The following RSU1 variants were observed in gnomAD, a reference collection of about 807,000 sequenced individuals.
RSU1 encodes Ras suppressor protein 1, also known as rsu-1.
In RSU1, 26 loss-of-function variants were observed where a neutral mutation model predicts 31.1. That is an observed-to-expected ratio of 0.84 (90% CI 0.61 to 1.16). RSU1 has a LOEUF of 1.16. Among genes scored for constraint, RSU1 ranks in the 50% most tolerant of loss-of-function variants. The pLI is 0.00. For missense variants in RSU1, 320 were observed against 339.1 expected, an observed-to-expected ratio of 0.94 and a Z score of 0.44; for synonymous variants, 164 against 136.3, an observed-to-expected ratio of 1.20 and a Z score of -1.41.
chr10:16,702,294 T>G (rs1381866954), intron 7 of RSU1, among the ~76,000 whole-genome samples: 1 of 152,142 alleles, frequency 6.6e-6, no homozygotes, highest in Non-Finnish European at 1.5e-5. Flanking sequence ...AGACACACAG[T>G]CTCCACTGAG....
chr10:16,760,678 G>A (rs1564347588), intron 4 of RSU1, among the ~76,000 whole-genome samples: 2 of 151,914 alleles, frequency 1.3e-5, no homozygotes, highest in Non-Finnish European at 2.9e-5. Context: ...AGAAATGAAG[G>A]TATCATTCCA....
intron 8 of RSU1, among the ~76,000 whole-genome samples, chr10:16,622,058 T>C (rs1834079817): frequency 6.6e-6 from 1 of 152,214 alleles, no homozygotes; most frequent in Non-Finnish European, 1.5e-5. Context: ...TGCATGCCTG[T>C]ATCAAAACAA....
At chr10:16,817,154 C>T (rs995190318) in intron 1 of RSU1, 70 bp from the exon 2 acceptor site, 1 of 1,097,312 alleles carries the variant, frequency 9.1e-7, no homozygotes, top group African/African-American at 1.5e-5. Context: ...AAGAGGCCTT[C>T]GCTGCCACTC....
intron 2 of RSU1, among the ~76,000 whole-genome samples, chr10:16,814,207 A>C (rs905443410): frequency 2.6e-5 from 4 of 152,208 alleles, no homozygotes; most frequent in African/African-American, 7.2e-5. Context: ...TAGGAGGCCA[A>C]GATGGGGGCA....
intron 8 of RSU1, among the ~76,000 whole-genome samples, chr10:16,601,896 C>G (rs910960546): frequency 2.0e-5 from 3 of 152,148 alleles, no homozygotes; most frequent in Non-Finnish European, 2.9e-5. Context: ...GCCATCGGAA[C>G]TGGAAAAGGG....
intron 8 of RSU1, among the ~76,000 whole-genome samples, chr10:16,654,584 C>T (rs951957934): frequency 2.0e-5 from 3 of 151,020 alleles, no homozygotes; most frequent in Admixed American, 1.3e-4. Context: ...GCACAAGAAT[C>T]GCTTGAACCC....
chr10:16,697,286 A>G (rs540073951), intron 7 of RSU1, among the ~76,000 whole-genome samples: 1 of 152,214 alleles, frequency 6.6e-6, no homozygotes, highest in African/African-American at 2.4e-5. Context: ...TGTCATCTTC[A>G]TGCCTCTAAT....
intron 2 of RSU1, among the ~76,000 whole-genome samples, chr10:16,795,113 G>T (rs917377019): frequency 1.3e-4 from 20 of 152,174 alleles, no homozygotes; most frequent in African/African-American, 4.8e-4. Context: ...CAGCACTTCG[G>T]GAGGCCGGGG....
chr10:16,740,299 C>G (rs1836724782), intron 7 of RSU1, among the ~76,000 whole-genome samples: 1 of 152,074 alleles, frequency 6.6e-6, no homozygotes, highest in South Asian at 2.1e-4. Context: ...TGACACAATT[C>G]AACATTTCAT....
At chr10:16,654,257 C>T (rs922179103) in intron 8 of RSU1, among the ~76,000 whole-genome samples, 1 of 150,382 alleles carries the variant, frequency 6.6e-6, no homozygotes, top group African/African-American at 2.5e-5. Context: ...CTCACCTCGG[C>T]CTCCCAAAGC....
At chr10:16,752,509 A>C in intron 7 of RSU1, 30 bp downstream of exon 7, 4 of 1,518,270 alleles carry the variant, frequency 2.6e-6, no homozygotes, top group Non-Finnish European at 3.7e-6. Flanking sequence ...CATGAAACCC[A>C]GAACTAAGTT....
intron 8 of RSU1, among the ~76,000 whole-genome samples, chr10:16,597,783 C>A (rs536168225): frequency 1.2e-4 from 19 of 152,336 alleles, no homozygotes; most frequent in South Asian, 4.1e-4. Context: ...AGGTTTTAAT[C>A]CTTTTTGAAG....
At chr10:16,624,118 T>C (rs1162014629) in intron 8 of RSU1, among the ~76,000 whole-genome samples, 3 of 152,110 alleles carry the variant, frequency 2.0e-5, no homozygotes, top group Non-Finnish European at 4.4e-5. Context: ...TCATGTCAAC[T>C]ACACATAGTG....
In RSU1 at chr10:16,701,320, T is replaced by C. The variant is rs57685810; in HGVS notation, c.599-6165A>G. 4.4e-3 allele frequency among the ~76,000 whole-genome samples: 675 copies of C among 152,346 alleles called. 4 individuals carry two copies. The highest frequency in any genetic ancestry group is 0.015 in the African/African-American group (611 of 41,566). The stretch of plus-strand genomic sequence containing the variant: ...GGCCCATTCTCTTCTGTCTGCGTAA[T>C]AGATGACGGTCTAAAAACCTAAGTG... On this transcript the variant is annotated intron_variant, in intron 7 of 8. Coordinates refer to ENST00000345264, the MANE Select transcript of RSU1 (RefSeq NM_012425.4).
intron 3 of RSU1, among the ~76,000 whole-genome samples, chr10:16,780,607 C>T (rs1022142399): frequency 1.3e-5 from 2 of 152,186 alleles, no homozygotes; most frequent in Admixed American, 6.5e-5. Context: ...ATTGTTGTAA[C>T]AATGGTAAGC....
intron 5 of RSU1, among the ~76,000 whole-genome samples, chr10:16,753,456 T>G (rs1050974206): frequency 4.6e-5 from 7 of 152,184 alleles, no homozygotes; most frequent in African/African-American, 1.7e-4. Context: ...AATAGCACTG[T>G]GTTACAAATT....
chr10:16,800,435 A>G (rs72771333), intron 2 of RSU1, among the ~76,000 whole-genome samples: 7,908 of 152,318 alleles, frequency 0.052, 257 homozygotes, highest in African/African-American at 0.094. Flanking sequence ...CACTGTAACA[A>G]AAATAAAGAG....
rs1438100246 is a variant in RSU1, at chr10:16,739,493, CAG to C, written c.598+13044_598+13045del. 4.0e-5 allele frequency among the ~76,000 whole-genome samples: 4 copies of C among 99,992 alleles called. No individual in the cohort carries two copies. The East Asian group carries it at 1.4e-3, about 35-fold the overall frequency. The allele number at this position is 99,992 out of a possible 152,430, so 65.6% of individuals were successfully genotyped here. A position where few individuals can be genotyped will look rare whatever the true frequency, so the allele number is the denominator to read the frequency against. ...TTTTTTTTTTTTTTTTTTTTTGAGACAGAGTCTCGCTCTGTCGCCCAGGCTGG... is the reference window on the plus strand; with the variant it reads ...TTTTTTTTTTTTTTTTTTTTTGAGACAGTCTCGCTCTGTCGCCCAGGCTGG... On this transcript the variant is annotated intron_variant, in intron 7 of 8. Coordinates refer to ENST00000345264, the MANE Select transcript of RSU1 (RefSeq NM_012425.4).
chr10:16,602,284 A>C (rs1027692278), intron 8 of RSU1, among the ~76,000 whole-genome samples: 8 of 152,250 alleles, frequency 5.3e-5, no homozygotes, highest in Non-Finnish European at 8.8e-5. Context: ...TCAAAACATC[A>C]GCAGAGTGCC....
Sources: gnomAD v4.1 joint callset for allele counts (sites outside exome capture counted in the v4.1 genomes callset) on GRCh38, gnomAD v4.1.1 for gene constraint, MANE v1.5 for transcripts, NCBI Gene and HGNC (gene_info 2026-07-23, HGNC 2026-07-21) for gene names.